Variants in CCDC85A observed in about 807,000 individuals in gnomAD.
CCDC85A encodes the protein coiled-coil domain containing 85A.
In CCDC85A, 38 loss-of-function variants were observed where a neutral mutation model predicts 50.2. The ratio of observed to expected loss-of-function variants is 0.76; its 90% CI spans 0.58 to 0.99. The LOEUF (loss-of-function observed/expected upper bound fraction) is 0.99, where lower values mean the gene tolerates loss of function less well. Ranked by LOEUF, CCDC85A falls within the 50% of genes least tolerant of loss-of-function variation. The pLI, the probability that CCDC85A is intolerant of heterozygous loss-of-function variation, is 0.00. For synonymous variants in CCDC85A, 366 were observed against 301.4 expected (o/e 1.21, Z -2.22); for missense variants, 820 against 742.0 (o/e 1.11, Z -1.22).
chr2:56,209,045 G>T (rs1424209934), intron 2 of CCDC85A, among the ~76,000 whole-genome samples: 3 of 152,054 alleles, frequency 2.0e-5, no homozygotes, highest in African/African-American at 7.2e-5. Context: ...TTTTGGTCAT[G>T]GTGTCAAATC....
chr2:56,325,296 A>T (rs76378578), intron 2 of CCDC85A, among the ~76,000 whole-genome samples: 1 of 152,216 alleles, frequency 6.6e-6, no homozygotes, highest in South Asian at 2.1e-4. Context: ...TCATTTGAAG[A>T]TAATAGTTAC....
rs17047659 is a variant in CCDC85A, at chr2:56,237,495, C to A, written c.1240+44055C>A. Reference sequence around the variant, plus strand: ...AATCTTGCTAAGTAATAACAATAATCGCCAGTGTATGGCAAGCCCTTTGTT... The same window carrying A: ...AATCTTGCTAAGTAATAACAATAATAGCCAGTGTATGGCAAGCCCTTTGTT... On this transcript the variant is annotated intron_variant, in intron 2 of 5. Coordinates refer to ENST00000407595, the MANE Select transcript of CCDC85A (RefSeq NM_001080433.2). Among the ~76,000 whole-genome samples, 986 of 152,256 alleles carry A rather than the reference C, an allele frequency of 6.5e-3. 9 individuals carry two copies. The highest frequency in any genetic ancestry group is 0.023 in the African/African-American group (948 of 41,540).
In CCDC85A at chr2:56,193,438, A is replaced by G; in HGVS notation, c.1238A>G (p.Asn413Ser). The G allele has an allele frequency of 1.9e-6, 3 of 1,599,232 alleles. No homozygotes were observed. The highest frequency in any genetic ancestry group is 1.7e-6 in the Non-Finnish European group (2 of 1,173,108). The change falls in exon 2 of 6, where the codon AAC becomes AGC. Residue 413 changes from asparagine (N) to serine (S), a missense_variant and splice_region_variant. Transcript: ENST00000407595. ...CACCGGAATGTCTACAGTGGCATGAACGGTGGGTCAGTATGTGCTGGGGTG... is the reference window on the plus strand; with the variant it reads ...CACCGGAATGTCTACAGTGGCATGAGCGGTGGGTCAGTATGTGCTGGGGTG... ...PHHRNVYSGM[N>S]ESTLSYVRQL...
At position 56,283,453 on chromosome 2, in the gene CCDC85A, T is replaced by G. The variant is rs143564199; in HGVS notation, c.1241-59426T>G. ...GTTCAAACTTATTTTTTGAATAAAT[T>G]CCACTTGGTTATGAAAGTTTCTTTT... On this transcript the variant is annotated intron_variant, in intron 2 of 5. Coordinates refer to ENST00000407595, the MANE Select transcript of CCDC85A (RefSeq NM_001080433.2). Among the ~76,000 whole-genome samples the G allele has an allele frequency of 3.0e-3, 462 of 152,332 alleles. 5 individuals carry two copies. The highest frequency in any genetic ancestry group is 0.011 in the African/African-American group (439 of 41,586).
intron 2 of CCDC85A, among the ~76,000 whole-genome samples, chr2:56,226,015 T>C (rs1239919088): frequency 1.3e-5 from 2 of 152,236 alleles, no homozygotes; most frequent in African/African-American, 2.4e-5. Flanking sequence ...GGAGAGGACC[T>C]CAGTGCCTCT....
At chr2:56,225,829 C>T (rs961857212) in intron 2 of CCDC85A, among the ~76,000 whole-genome samples, 1 of 152,158 alleles carries the variant, frequency 6.6e-6, no homozygotes, top group Non-Finnish European at 1.5e-5. Context: ...CTTGATCCTG[C>T]TCTTGTCTCA....
intron 2 of CCDC85A, among the ~76,000 whole-genome samples, chr2:56,219,586 G>T (rs1668232197): frequency 6.6e-6 from 1 of 151,642 alleles, no homozygotes; most frequent in African/African-American, 2.4e-5. Context: ...CCTCTGTCTA[G>T]AATGCCCTCC....
At chr2:56,191,740 T>A (rs1283041795) in intron 1 of CCDC85A, among the ~76,000 whole-genome samples, 5 of 152,180 alleles carry the variant, frequency 3.3e-5, no homozygotes, top group Admixed American at 3.3e-4. Context: ...AAGTGAGAGA[T>A]GCCTGGGAGA....
At chr2:56,254,636 C>A (rs1406604526) in intron 2 of CCDC85A, among the ~76,000 whole-genome samples, 5 of 151,044 alleles carry the variant, frequency 3.3e-5, no homozygotes, top group Non-Finnish European at 7.4e-5. Flanking sequence ...TCATGGAGCC[C>A]ATGGCTAGAA....
intron 2 of CCDC85A, among the ~76,000 whole-genome samples, chr2:56,328,084 G>A (rs1004202254): frequency 1.3e-5 from 2 of 152,062 alleles, no homozygotes; most frequent in Non-Finnish European, 2.9e-5. Context: ...CTGAATCCAG[G>A]AAGTCTAACA....
chr2:56,293,722 C>G (rs765386137), intron 2 of CCDC85A, among the ~76,000 whole-genome samples: 1 of 152,130 alleles, frequency 6.6e-6, no homozygotes, highest in African/African-American at 2.4e-5. Context: ...CATCACTGAT[C>G]ATTAGAGAAA....
At chr2:56,273,535 A>T (rs969933421) in intron 2 of CCDC85A, among the ~76,000 whole-genome samples, 2 of 152,132 alleles carry the variant, frequency 1.3e-5, no homozygotes, top group Non-Finnish European at 2.9e-5. Flanking sequence ...TACCCATGAA[A>T]ATGATCAATC....
intron 3 of CCDC85A, among the ~76,000 whole-genome samples, chr2:56,353,876 T>C (rs1047825953): frequency 2.0e-5 from 3 of 152,194 alleles, no homozygotes; most frequent in African/African-American, 7.2e-5. Context: ...GGGTGGTATA[T>C]ACAGCCCAGC....
intron 2 of CCDC85A, among the ~76,000 whole-genome samples, chr2:56,206,963 C>T (rs1047658197): frequency 4.1e-5 from 2 of 49,292 alleles, no homozygotes; most frequent in South Asian, 9.5e-4. Context: ...TGAAGGTGTA[C>T]TGTTTTTTTG....
At chr2:56,365,958 T>C (rs1007498449) in intron 3 of CCDC85A, among the ~76,000 whole-genome samples, 2 of 150,944 alleles carry the variant, frequency 1.3e-5, no homozygotes, top group South Asian at 2.1e-4. Flanking sequence ...CCTCTCTAAG[T>C]AGAAATAAAC....
Position 56,219,034 on chromosome 2 carries a change from A to AT in CCDC85A, c.1240+25602dup, listed in dbSNP as rs1024839626. Among the ~76,000 whole-genome samples, 3 of 150,508 alleles carry AT rather than the reference A, an allele frequency of 2.0e-5. No homozygotes were observed. The Admixed American group carries it at 2.0e-4, about 10-fold the overall frequency. On this transcript the variant is annotated intron_variant, in intron 2 of 5. Transcript: ENST00000407595. ...TCTGAATTCTCCAAGCTCTTCCTCTATTTTTTTTGAATGAACTGAAATGAT... is the reference window on the plus strand; with the variant it reads ...TCTGAATTCTCCAAGCTCTTCCTCTATTTTTTTTTGAATGAACTGAAATGAT...
intron 2 of CCDC85A, among the ~76,000 whole-genome samples, chr2:56,255,234 C>T (rs927358447): frequency 2.0e-5 from 3 of 152,182 alleles, no homozygotes; most frequent in African/African-American, 4.8e-5. Flanking sequence ...GTTATAATAG[C>T]ATTTACTGAA....
chr2:56,297,575 G>A (rs1395904761), intron 2 of CCDC85A, among the ~76,000 whole-genome samples: 1 of 152,186 alleles, frequency 6.6e-6, no homozygotes, highest in African/African-American at 2.4e-5. Context: ...TGGAATCACA[G>A]TGCAGGGCCA....
intron 2 of CCDC85A, among the ~76,000 whole-genome samples, chr2:56,242,784 C>T (rs1361399950): frequency 6.6e-6 from 1 of 152,052 alleles, no homozygotes; most frequent in Non-Finnish European, 1.5e-5. Flanking sequence ...TCTGATTTGT[C>T]CATTTTTGCT....
Sources: allele counts gnomAD v4.1 joint callset (sites outside exome capture counted in the v4.1 genomes callset), GRCh38; gene constraint gnomAD v4.1.1; transcripts MANE v1.5; gene names NCBI Gene and HGNC (gene_info 2026-07-23, HGNC 2026-07-21).